Variants in STIMATE observed in about 807,000 individuals in gnomAD.
STIMATE encodes store-operated calcium entry regulator STIMATE.
A neutral mutation model predicts 36.7 loss-of-function variants in STIMATE; 15 were observed. The ratio of observed to expected loss-of-function variants is 0.41; its 90% CI spans 0.27 to 0.63. The LOEUF (loss-of-function observed/expected upper bound fraction) is 0.63. Among genes scored for constraint, STIMATE ranks in the 20% least tolerant of loss-of-function variants. The pLI, the probability that STIMATE is intolerant of heterozygous loss-of-function variation, is 0.32. For synonymous variants in STIMATE, 163 were observed against 162.3 expected, an observed-to-expected ratio of 1.00 and a Z score of -0.03; for missense variants, 305 against 397.3, an observed-to-expected ratio of 0.77 and a Z score of 1.98.
At position 52,897,510 on chromosome 3, in the gene STIMATE, GCGCAGCGCCGCCAAACC is replaced by G; in HGVS notation, c.-77_-61del. 5.0e-6 allele frequency: 6 copies of G among 1,190,964 alleles called. No homozygotes were observed. Among genetic ancestry groups the G allele is most frequent in the Non-Finnish European group, 6.2e-6 (6 of 962,658 alleles). The allele number at this position is 1,190,964 out of a possible 1,614,324, so 73.8% of individuals were successfully genotyped here. A position where few individuals can be genotyped will look rare whatever the true frequency, so the allele number is the denominator to read the frequency against. Reference sequence around the variant, plus strand: ...GCCCGCCCGGCCTCGCTGCCTGCCGGCGCAGCGCCGCCAAACCCGCAGCCGGGATCCCAAGCCTGAGC... The same window carrying G: ...GCCCGCCCGGCCTCGCTGCCTGCCGGCGCAGCCGGGATCCCAAGCCTGAGC... On this transcript the variant is annotated 5_prime_UTR_variant, in exon 1 of 8. Transcript: ENST00000355083.
intron 1 of STIMATE, among the ~76,000 whole-genome samples, chr3:52,893,166 C>T (rs1701808542): frequency 6.6e-6 from 1 of 152,048 alleles, no homozygotes; most frequent in African/African-American, 2.4e-5. Flanking sequence ...TTTAAAAACT[C>T]CAGCTATAAA....
chr3:52,884,065 G>A (rs1269069751), intron 1 of STIMATE, among the ~76,000 whole-genome samples: 3 of 152,108 alleles, frequency 2.0e-5, no homozygotes, highest in African/African-American at 7.2e-5. Context: ...AGTGAACTCT[G>A]TAGAGCAGCT....
chr3:52,883,293 G>C (rs1701639474), intron 1 of STIMATE, among the ~76,000 whole-genome samples: 1 of 152,280 alleles, frequency 6.6e-6, no homozygotes, highest in African/African-American at 2.4e-5. Context: ...TGAATAGCTT[G>C]ACAAAAAATC....
chr3:52,851,723 T>A (rs1701002823), intron 3 of STIMATE, among the ~76,000 whole-genome samples: 1 of 152,272 alleles, frequency 6.6e-6, no homozygotes, highest in African/African-American at 2.4e-5. Context: ...ATACAGACCT[T>A]ACTTTCATTC....
chr3:52,881,228 C>T (rs551716723), intron 1 of STIMATE, among the ~76,000 whole-genome samples: 8 of 150,172 alleles, frequency 5.3e-5, no homozygotes, highest in East Asian at 1.9e-4. Context: ...AAAATGTAAA[C>T]GGTGACAATC....
At chr3:52,865,877 C>T (rs1442505794) in intron 1 of STIMATE, among the ~76,000 whole-genome samples, 1 of 151,930 alleles carries the variant, frequency 6.6e-6, no homozygotes, top group African/African-American at 2.4e-5. Context: ...CACAGATGCA[C>T]AGATCTGTGT....
chr3:52,881,406 T>C (rs962086548), intron 1 of STIMATE, among the ~76,000 whole-genome samples: 2 of 152,042 alleles, frequency 1.3e-5, no homozygotes, highest in African/African-American at 4.8e-5. Context: ...TTAAACTATC[T>C]TCAAGAACTC....
intron 1 of STIMATE, among the ~76,000 whole-genome samples, chr3:52,877,550 T>C (rs964843773): frequency 6.6e-6 from 1 of 152,242 alleles, no homozygotes; most frequent in African/African-American, 2.4e-5. Context: ...GCTCAGCCTC[T>C]GACCTGCTGG....
At chr3:52,881,268 T>C (rs896657511) in intron 1 of STIMATE, among the ~76,000 whole-genome samples, 2 of 150,028 alleles carry the variant, frequency 1.3e-5, no homozygotes, top group Admixed American at 6.6e-5. Flanking sequence ...AAGGCACATA[T>C]GCAATTAAAC....
chr3:52,847,508 C>A (rs959398867), intron 4 of STIMATE: 1 of 1,289,804 alleles, frequency 7.8e-7, no homozygotes, highest in Non-Finnish European at 1.0e-6. Flanking sequence ...TGGCTTATTT[C>A]CCTGAGTCCC....
chr3:52,859,894 G>A (rs1575333952), intron 1 of STIMATE, among the ~76,000 whole-genome samples: 1 of 151,906 alleles, frequency 6.6e-6, no homozygotes. Flanking sequence ...TGGTGTGCCC[G>A]TGCCTGTGGG....
At chr3:52,894,888 T>A (rs1333465288) in intron 1 of STIMATE, among the ~76,000 whole-genome samples, 1 of 152,228 alleles carries the variant, frequency 6.6e-6, no homozygotes, top group Non-Finnish European at 1.5e-5. Context: ...CTGTTTAAAC[T>A]GCTCAGAACA....
rs1701773985 is a variant in STIMATE at position 52,891,015 on chromosome 3, T to C, written c.160+6276A>G. 1.3e-5 allele frequency among the ~76,000 whole-genome samples: 2 copies of C among 152,214 alleles called. 1 individual carries two copies. The highest frequency in any genetic ancestry group is 4.1e-4 in the South Asian group (2 of 4,834). ...TGTGACTCATGTAGGCATGAAATGA[T>C]TGATGAGTCATTTCAAATTTATATT... On this transcript the variant is annotated intron_variant, in intron 1 of 7. Transcript: ENST00000355083.
intron 1 of STIMATE, among the ~76,000 whole-genome samples, chr3:52,896,464 C>CA (rs1476144981): frequency 6.6e-6 from 1 of 151,970 alleles, no homozygotes; most frequent in Non-Finnish European, 1.5e-5. Flanking sequence ...AACAGAAGCC[C>CA]CCCCCCACCC....
At chr3:52,882,195 T>C (rs1296114798) in intron 1 of STIMATE, among the ~76,000 whole-genome samples, 2 of 152,178 alleles carry the variant, frequency 1.3e-5, no homozygotes, top group Non-Finnish European at 2.9e-5. Flanking sequence ...TTCACAGGAC[T>C]GCCTGAAAGT....
At chr3:52,850,731 C>T (rs201834100) in intron 3 of STIMATE, among the ~76,000 whole-genome samples, 1 of 140,888 alleles carries the variant, frequency 7.1e-6, no homozygotes, top group East Asian at 2.2e-4. Flanking sequence ...TATTTTTACA[C>T]TGTTTTTTTC....
intron 1 of STIMATE, among the ~76,000 whole-genome samples, chr3:52,896,372 G>A (rs1335751254): frequency 6.6e-6 from 1 of 152,010 alleles, no homozygotes; most frequent in African/African-American, 2.4e-5. Context: ...CCCCTAAAAC[G>A]CAGTCACAAG....
intron 3 of STIMATE, 69 bp downstream of exon 3, chr3:52,852,533 GA>G: frequency 1.3e-6 from 2 of 1,593,606 alleles, no homozygotes; most frequent in Non-Finnish European, 1.7e-6. Context: ...ACCAGCAGCA[GA>G]AAGCAAGGCC....
chr3:52,840,312 T>C lies in STIMATE; in HGVS notation c.*182A>G. 2 of 659,978 alleles carry C rather than the reference T, an allele frequency of 3.0e-6. No individual in the cohort carries two copies. The highest frequency in any genetic ancestry group is 2.3e-5 in the South Asian group (1 of 43,814). 40.9% of individuals were successfully genotyped at this position (659,978 alleles called of 1,614,324 possible). A position where few individuals can be genotyped will look rare whatever the true frequency, so the allele number is the denominator to read the frequency against. On this transcript the variant is annotated 3_prime_UTR_variant, in exon 8 of 8. Transcript: ENST00000355083. ...AGCCGCCAGTGGCCCCCTCGGGCGC[T>C]GGCTCCTCTTCCCTCTTTTTAAGTC...
Sources: allele counts gnomAD v4.1 joint callset (sites outside exome capture counted in the v4.1 genomes callset), GRCh38; gene constraint gnomAD v4.1.1; transcripts MANE v1.5; gene names NCBI Gene and HGNC (gene_info 2026-07-23, HGNC 2026-07-21).